KIAA1671: variants seen among roughly 807,000 people sequenced by gnomAD.
KIAA1671 encodes the protein uncharacterized protein KIAA1671.
Under a neutral mutation model 131.2 loss-of-function variants are expected in KIAA1671, and 52 were observed. The observed-to-expected ratio is 0.40, with a 90% CI of 0.32 to 0.50. KIAA1671 has a LOEUF of 0.50. Among genes scored for constraint, KIAA1671 ranks in the 20% least tolerant of loss-of-function variants. KIAA1671 has a pLI of 0.73. For missense variants in KIAA1671, 2,360 were observed against 2,364.2 expected, an observed-to-expected ratio of 1.00 and a Z score of 0.04; for synonymous variants, 1,003 against 961.6, an observed-to-expected ratio of 1.04 and a Z score of -0.80.
At chr22:25,011,677 G>T (rs113875975) in intron 1 of KIAA1671, 1 of 133,108 alleles carries the variant, frequency 7.5e-6, no homozygotes, top group Non-Finnish European at 1.5e-5. Flanking sequence ...TTGCTCTGTC[G>T]CCCAGGCTGG....
intron 1 of KIAA1671, among the ~76,000 whole-genome samples, chr22:24,993,165 C>T (rs1382796070): frequency 6.6e-6 from 1 of 152,092 alleles, no homozygotes; most frequent in African/African-American, 2.4e-5. Context: ...GCTGTCCCCC[C>T]ACCGGGAGTG....
At chr22:25,170,682 TG>T (rs1933816039) in intron 6 of KIAA1671, 137 bp from the exon 7 acceptor site, 2 of 758,726 alleles carry the variant, frequency 2.6e-6, no homozygotes, top group Non-Finnish European at 4.5e-6. Context: ...CCAAGATGTC[TG>T]GCCCCACTTA....
chr22:25,088,770 G>A (rs1293306177), intron 6 of KIAA1671, among the ~76,000 whole-genome samples: 6 of 152,020 alleles, frequency 3.9e-5, no homozygotes, highest in African/African-American at 1.2e-4. Context: ...CCCCTCCTCC[G>A]GAAACTGGTG....
rs959733814 is a variant in KIAA1671, at chr22:25,074,536, C to CAT, written c.4530+25181_4530+25182dup. ...AAAAAAAGAAAGAAAGAAATTGAGG[C>CAT]ATATATATATGTATATGTGTATATA... On this transcript the variant is annotated intron_variant, in intron 6 of 12. Coordinates refer to ENST00000358431, the MANE Select transcript of KIAA1671 (RefSeq NM_001145206.2). 6.7e-5 allele frequency among the ~76,000 whole-genome samples: 9 copies of CAT among 134,636 alleles called. No individual in the cohort carries two copies. The East Asian group carries it at 1.2e-3, about 18-fold the overall frequency. 88.3% of individuals were successfully genotyped at this position (134,636 alleles called of 152,430 possible). A position where few individuals can be genotyped will look rare whatever the true frequency, so the allele number is the denominator to read the frequency against.
intron 6 of KIAA1671, among the ~76,000 whole-genome samples, chr22:25,113,525 A>G (rs922711171): frequency 9.9e-5 from 15 of 152,058 alleles, no homozygotes; most frequent in African/African-American, 3.4e-4. Flanking sequence ...AGGAGCCCTG[A>G]GCTGGCCCTC....
At chr22:25,083,233 C>A (rs1386870281) in intron 6 of KIAA1671, among the ~76,000 whole-genome samples, 1 of 152,188 alleles carries the variant, frequency 6.6e-6, no homozygotes, top group African/African-American at 2.4e-5. Context: ...CTCTCTGTGT[C>A]CTTACACCAT....
intron 6 of KIAA1671, among the ~76,000 whole-genome samples, chr22:25,153,803 G>A (rs1017221095): frequency 6.6e-6 from 1 of 152,232 alleles, no homozygotes; most frequent in African/African-American, 2.4e-5. Flanking sequence ...GCCTTTGGGA[G>A]CCTTGACGAA....
rs529001626 is a variant in KIAA1671 at position 25,179,508 on chromosome 22, C to T, written c.5074+1986C>T. 2.6e-4 allele frequency: 421 copies of T among 1,609,728 alleles called. 4 individuals are homozygous for T. In the South Asian group the frequency reaches 3.3e-3, roughly 13 times the overall value. On this transcript the variant is annotated intron_variant, in intron 9 of 12. Transcript: ENST00000358431. ...AGCGCCTTGTGCAGCACCTCCCGCTCGTGCTCGCGCGGCTCCACCAGCTGC... is the reference window on the plus strand; with the variant it reads ...AGCGCCTTGTGCAGCACCTCCCGCTTGTGCTCGCGCGGCTCCACCAGCTGC...
chr22:25,164,878 G>A (rs1252475998), intron 6 of KIAA1671, among the ~76,000 whole-genome samples: 1 of 151,764 alleles, frequency 6.6e-6, no homozygotes, highest in Non-Finnish European at 1.5e-5. Flanking sequence ...AATCCAGGAG[G>A]TGGAGCTTGC....
At chr22:24,989,501 G>T (rs1249103729) in intron 1 of KIAA1671, among the ~76,000 whole-genome samples, 2 of 152,116 alleles carry the variant, frequency 1.3e-5, no homozygotes, top group Non-Finnish European at 2.9e-5. Flanking sequence ...TCTGAGCTCA[G>T]TCTCTTCACT....
At chr22:25,024,974 G>A (rs1485068614) in intron 1 of KIAA1671, among the ~76,000 whole-genome samples, 1 of 151,526 alleles carries the variant, frequency 6.6e-6, no homozygotes, top group Non-Finnish European at 1.5e-5. Context: ...ACTGTGGTCT[G>A]TGTCTGTGTG....
Position 24,956,127 on chromosome 22 carries a change from A to G in KIAA1671, c.-208+3355A>G, listed in dbSNP as rs535816688. Among the ~76,000 whole-genome samples the G allele has an allele frequency of 5.3e-5, 8 of 152,342 alleles. No individual in the cohort carries two copies. The East Asian group carries it at 1.5e-3, about 29-fold the overall frequency. Reference sequence around the variant, plus strand: ...GACCAATGGTGTTGGAGGGGTGTTCACTGACAACTTTGACATTGATCAGTG... The same window carrying G: ...GACCAATGGTGTTGGAGGGGTGTTCGCTGACAACTTTGACATTGATCAGTG... On this transcript the variant is annotated intron_variant, in intron 1 of 12. Coordinates refer to ENST00000358431, the MANE Select transcript of KIAA1671 (RefSeq NM_001145206.2).
intron 6 of KIAA1671, among the ~76,000 whole-genome samples, chr22:25,101,676 TC>T (rs1930682870): frequency 6.6e-6 from 1 of 152,178 alleles, no homozygotes; most frequent in Non-Finnish European, 1.5e-5. Flanking sequence ...TTATCTGAAT[TC>T]CTTTCCCTGT....
intron 1 of KIAA1671, among the ~76,000 whole-genome samples, chr22:25,003,777 T>C (rs1402952725): frequency 6.6e-6 from 1 of 151,890 alleles, no homozygotes; most frequent in Non-Finnish European, 1.5e-5. Context: ...TCAGTATCCA[T>C]ACATTCAAAT....
intron 1 of KIAA1671, chr22:25,014,621 T>G (rs888317604): frequency 2.0e-5 from 3 of 152,168 alleles, no homozygotes; most frequent in Non-Finnish European, 4.4e-5. Context: ...ACCAGGCTGG[T>G]TTCTAACTCC....
intron 6 of KIAA1671, among the ~76,000 whole-genome samples, chr22:25,086,516 C>G (rs1026347602): frequency 6.6e-6 from 1 of 152,194 alleles, no homozygotes; most frequent in African/African-American, 2.4e-5. Context: ...AATGCAGGGC[C>G]AGGCATAGAG....
chr22:25,035,440 C>T (rs1418561573), intron 4 of KIAA1671, among the ~76,000 whole-genome samples: 2 of 152,070 alleles, frequency 1.3e-5, no homozygotes, highest in African/African-American at 4.8e-5. Flanking sequence ...AAGAAACTTC[C>T]GTGGAGTTTT....
At chr22:24,976,842 G>GGGGACCTGCCAGTCATGAGT (rs6147571) in intron 1 of KIAA1671, among the ~76,000 whole-genome samples, 17,751 of 151,692 alleles carry the variant, frequency 0.12, 1,156 homozygotes, top group Middle Eastern at 0.21. Flanking sequence ...CTGGCTTCCC[G>GGGGACCTGCCAGTCATGAGT]GGGACCTGCC....
chr22:25,010,889 T>C (rs1481748182), intron 1 of KIAA1671: 2 of 152,238 alleles, frequency 1.3e-5, no homozygotes, highest in East Asian at 3.8e-4. Flanking sequence ...AATTGGCTTG[T>C]GGTTTCTTGG....
Sources: allele counts gnomAD v4.1 joint callset (sites outside exome capture counted in the v4.1 genomes callset), GRCh38; gene constraint gnomAD v4.1.1; transcripts MANE v1.5; gene names NCBI Gene and HGNC (gene_info 2026-07-23, HGNC 2026-07-21).